The following CRADD variants were observed in gnomAD, a reference collection of about 807,000 sequenced individuals.
CRADD encodes the protein death domain-containing protein CRADD.
A neutral mutation model predicts 15.5 loss-of-function variants in CRADD; 9 were observed. The observed-to-expected ratio is 0.58, with a 90% CI of 0.35 to 1.01. CRADD has a LOEUF of 1.01. Ranked by LOEUF, CRADD falls within the 50% of genes least tolerant of loss-of-function variation. The pLI, the probability that CRADD is intolerant of heterozygous loss-of-function variation, is 0.02. For synonymous variants in CRADD, 118 were observed against 107.6 expected (o/e 1.10, Z -0.60); for missense variants, 227 against 250.3 (o/e 0.91, Z 0.63).
chr12:93,817,311 G>C (rs1957714592), intron 2 of CRADD, among the ~76,000 whole-genome samples: 1 of 152,194 alleles, frequency 6.6e-6, no homozygotes, highest in African/African-American at 2.4e-5. Flanking sequence ...ATGTTCAGCT[G>C]TGTGTGTGCT....
At chr12:93,741,248 A>C (rs888630221) in intron 2 of CRADD, among the ~76,000 whole-genome samples, 3 of 152,206 alleles carry the variant, frequency 2.0e-5, no homozygotes, top group African/African-American at 7.2e-5. Flanking sequence ...TTTCATGCTT[A>C]GGCAAGGATA....
At chr12:93,773,142 G>A (rs2171125) in intron 2 of CRADD, among the ~76,000 whole-genome samples, 85,746 of 152,046 alleles carry the variant, frequency 0.56, 25,052 homozygotes, top group East Asian at 0.89. Flanking sequence ...AAACATGACA[G>A]TATATATGCA....
chr12:93,757,227 T>A (rs1336119763), intron 2 of CRADD, among the ~76,000 whole-genome samples: 1 of 152,184 alleles, frequency 6.6e-6, no homozygotes, highest in Non-Finnish European at 1.5e-5. Context: ...CTACTCCAGG[T>A]AGAGTTTTCA....
intron 2 of CRADD, among the ~76,000 whole-genome samples, chr12:93,860,434 T>C (rs561328424): frequency 3.9e-5 from 6 of 152,180 alleles, no homozygotes; most frequent in Non-Finnish European, 8.8e-5. Context: ...CAGGCATGAA[T>C]ATAGGTGGTA....
intron 2 of CRADD, among the ~76,000 whole-genome samples, chr12:93,779,508 A>G (rs2136969815): frequency 6.6e-6 from 1 of 152,256 alleles, no homozygotes; most frequent in African/African-American, 2.4e-5. Context: ...AAAAAAATAA[A>G]AAGAAGAAAG....
At chr12:93,789,562 G>A (rs1397563446) in intron 2 of CRADD, among the ~76,000 whole-genome samples, 2 of 152,144 alleles carry the variant, frequency 1.3e-5, no homozygotes, top group African/African-American at 4.8e-5. Flanking sequence ...AAAATTGGAA[G>A]CAGCTCAGTG....
At chr12:93,802,973 C>G (rs1957491669) in intron 2 of CRADD, among the ~76,000 whole-genome samples, 7 of 152,270 alleles carry the variant, frequency 4.6e-5, no homozygotes, top group African/African-American at 1.7e-4. Context: ...CCATTTTGCC[C>G]CCAATGCCAG....
intron 2 of CRADD, among the ~76,000 whole-genome samples, chr12:93,885,049 G>A (rs1459366975): frequency 6.6e-6 from 1 of 152,122 alleles, no homozygotes; most frequent in African/African-American, 2.4e-5. Flanking sequence ...GAATGGCCTG[G>A]GAGAAGGACT....
At chr12:93,710,640 T>A (rs771124410) in intron 2 of CRADD, among the ~76,000 whole-genome samples, 1 of 152,158 alleles carries the variant, frequency 6.6e-6, no homozygotes, top group Non-Finnish European at 1.5e-5. Context: ...CCACCATGCC[T>A]GGCCAGCTTC....
chr12:93,842,117 G>A (rs1441173405), intron 2 of CRADD, among the ~76,000 whole-genome samples: 2 of 99,086 alleles, frequency 2.0e-5, no homozygotes, highest in African/African-American at 6.6e-5. Context: ...TGTGTCTGCT[G>A]CACCTCTTCT....
At position 93,763,602 on chromosome 12, in the gene CRADD, AT is replaced by A. The variant is rs1264517810; in HGVS notation, c.298+84539del. On this transcript the variant is annotated intron_variant, in intron 2 of 2. Coordinates refer to ENST00000332896, the MANE Select transcript of CRADD (RefSeq NM_003805.5). ...GATTCAAGTCTAGAAATTCCTCTTC[AT>A]TTTTTTTTCTTTTTTGTCTAACATT... 1.3e-4 allele frequency among the ~76,000 whole-genome samples: 20 copies of A among 151,022 alleles called. No individual in the cohort carries two copies. In the South Asian group the frequency reaches 4.0e-3, roughly 30 times the overall value.
chr12:93,795,967 A>G (rs930637421), intron 2 of CRADD, among the ~76,000 whole-genome samples: 1 of 152,236 alleles, frequency 6.6e-6, no homozygotes, highest in African/African-American at 2.4e-5. Flanking sequence ...TTCCTAACCA[A>G]GGTGAAATCT....
chr12:93,814,537 G>A (rs73222748), intron 2 of CRADD, among the ~76,000 whole-genome samples: 2,757 of 152,276 alleles, frequency 0.018, 37 homozygotes, highest in Non-Finnish European at 0.03. Context: ...AAAGGCCGAG[G>A]GTCTGAAAGT....
intron 2 of CRADD, among the ~76,000 whole-genome samples, chr12:93,791,155 A>G (rs982150702): frequency 3.3e-5 from 5 of 152,198 alleles, no homozygotes; most frequent in African/African-American, 1.2e-4. Context: ...TGATCAAGCA[A>G]TCTCACTACT....
chr12:93,831,000 T>C (rs1957891586), intron 2 of CRADD: 1 of 152,206 alleles, frequency 6.6e-6, no homozygotes, highest in Non-Finnish European at 1.5e-5. Context: ...GTATTTTATG[T>C]GAGATTGGGC....
intron 2 of CRADD, among the ~76,000 whole-genome samples, chr12:93,764,879 A>G (rs372196088): frequency 2.0e-5 from 3 of 151,942 alleles, no homozygotes; most frequent in East Asian, 1.9e-4. Context: ...GGTAAAGAGG[A>G]TAAATACCTC....
chr12:93,835,279 G>A (rs1422528368), intron 2 of CRADD, among the ~76,000 whole-genome samples: 1 of 152,018 alleles, frequency 6.6e-6, no homozygotes, highest in East Asian at 1.9e-4. Flanking sequence ...TGGAGGAATT[G>A]TTTCTTTATC....
intron 2 of CRADD, among the ~76,000 whole-genome samples, chr12:93,861,268 A>G (rs972381190): frequency 2.6e-5 from 4 of 152,220 alleles, no homozygotes; most frequent in Non-Finnish European, 4.4e-5. Flanking sequence ...GACACCATCT[A>G]ACATATTTTC....
downstream of CRADD, among the ~76,000 whole-genome samples, chr12:93,852,836 AGTGTGTGT>A (rs58175344): frequency 1.7e-4 from 26 of 149,522 alleles, no homozygotes; most frequent in Admixed American, 3.3e-4. Flanking sequence ...GTTGGGTTGG[AGTGTGTGT>A]GTGTGTGTGT....
Sources: gnomAD v4.1 joint callset for allele counts (sites outside exome capture counted in the v4.1 genomes callset) on GRCh38, gnomAD v4.1.1 for gene constraint, MANE v1.5 for transcripts, NCBI Gene and HGNC (gene_info 2026-07-23, HGNC 2026-07-21) for gene names.